The following AGBL1 variants were observed in gnomAD, a reference collection of about 807,000 sequenced individuals.
The protein encoded by AGBL1 is cytosolic carboxypeptidase 4.
In AGBL1, 130 loss-of-function variants were observed where a neutral mutation model predicts 118.9. That is an observed-to-expected ratio of 1.09 (90% CI 0.95 to 1.26). AGBL1 has a LOEUF of 1.26. AGBL1 is among the 50% of genes most tolerant of loss of function. The pLI is 0.00. For missense variants in AGBL1, 1,584 were observed against 1,298.1 expected (o/e 1.22, Z -3.38); for synonymous variants, 555 against 478.9 (o/e 1.16, Z -2.08).
chr15:86,332,493 A>G lies in AGBL1; in HGVS notation c.2374+37085A>G, dbSNP rs1049904245. Among the ~76,000 whole-genome samples, 5 of 152,158 alleles carry G rather than the reference A, an allele frequency of 3.3e-5. No homozygotes were observed. In the East Asian group the frequency reaches 9.7e-4, roughly 30 times the overall value. On this transcript the variant is annotated intron_variant, in intron 17 of 22. Coordinates refer to ENST00000614907, the MANE Select transcript of AGBL1 (RefSeq NM_001386094.1). ...AACCCTGTCTCTACTAAAAATACAAAAAATTAGCTGGGCGTGGCAACAGGC... is the reference window on the plus strand; with the variant it reads ...AACCCTGTCTCTACTAAAAATACAAGAAATTAGCTGGGCGTGGCAACAGGC...
chr15:86,428,359 A>G (rs2081892377), intron 18 of AGBL1, among the ~76,000 whole-genome samples: 1 of 152,210 alleles, frequency 6.6e-6, no homozygotes, highest in Non-Finnish European at 1.5e-5. Flanking sequence ...ACTATCCCAA[A>G]GTAGGGGAAA....
intron 21 of AGBL1, among the ~76,000 whole-genome samples, chr15:86,562,961 T>G (rs958603648): frequency 7.9e-5 from 12 of 152,332 alleles, no homozygotes; most frequent in Admixed American, 2.6e-4. Flanking sequence ...CTGATGGTAG[T>G]TTGTATTTCT....
rs529442286 is a variant in AGBL1 at position 86,363,151 on chromosome 15, C to T, written c.2375-34215C>T. On this transcript the variant is annotated intron_variant, in intron 17 of 22. Coordinates refer to ENST00000614907, the MANE Select transcript of AGBL1 (RefSeq NM_001386094.1). The stretch of plus-strand genomic sequence containing the variant: ...CAAAGGGGATCTCCTTGGTTATGAG[C>T]GTTGCCAGTGTTTTTCAATCTCGTA... Among the ~76,000 whole-genome samples, 182 of 152,056 alleles carry T rather than the reference C, an allele frequency of 1.2e-3. 1 individual carries two copies. The highest frequency in any genetic ancestry group is 1.3e-3 in the South Asian group (6 of 4,800).
intron 22 of AGBL1, among the ~76,000 whole-genome samples, chr15:86,724,469 A>G (rs1230771797): frequency 2.0e-5 from 3 of 152,144 alleles, no homozygotes; most frequent in Non-Finnish European, 4.4e-5. Flanking sequence ...AGGTGATAGC[A>G]TCATGGATGA....
intron 19 of AGBL1, among the ~76,000 whole-genome samples, chr15:86,530,121 A>G (rs1173634772): frequency 7.2e-6 from 1 of 139,274 alleles, no homozygotes; most frequent in Non-Finnish European, 1.5e-5. Context: ...TCAACTTTAA[A>G]TGTAAATGGA....
chr15:86,758,394 C>G (rs144154945), intron 22 of AGBL1, among the ~76,000 whole-genome samples: 84 of 152,136 alleles, frequency 5.5e-4, no homozygotes, highest in African/African-American at 1.9e-3. Context: ...GTAGTTTGGG[C>G]TATTATATGT....
intron 5 of AGBL1, among the ~76,000 whole-genome samples, chr15:86,179,047 C>T (rs117747172): frequency 1.3e-5 from 2 of 152,170 alleles, no homozygotes; most frequent in African/African-American, 4.8e-5. Context: ...TAATGGGCCA[C>T]CTGGTGGTCT....
intron 22 of AGBL1, among the ~76,000 whole-genome samples, chr15:86,803,343 C>G (rs1395232414): frequency 6.6e-6 from 1 of 152,096 alleles, no homozygotes; most frequent in Non-Finnish European, 1.5e-5. Flanking sequence ...TGAAGAAAGT[C>G]CTTGCTTCCC....
chr15:86,594,954 G>T (rs548508666), intron 21 of AGBL1, among the ~76,000 whole-genome samples: 2 of 152,160 alleles, frequency 1.3e-5, no homozygotes, highest in African/African-American at 4.8e-5. Context: ...TATGTCTTTC[G>T]TCCTTGTTTC....
At chr15:86,456,225 A>G (rs1299196770) in intron 18 of AGBL1, among the ~76,000 whole-genome samples, 3 of 152,228 alleles carry the variant, frequency 2.0e-5, no homozygotes, top group Admixed American at 6.5e-5. Flanking sequence ...TAAATTTTGC[A>G]TTAATAAGTC....
Position 86,262,907 on chromosome 15 carries a change from C to T in AGBL1, c.1086+13C>T, listed in dbSNP as rs781066217. ...CTATAGCTTTGAGGTAGGACATATG[C>T]TGTGGTTCTGATCTTTGACGATGCA... On this transcript the variant is annotated intron_variant, in intron 10 of 22. Transcript: ENST00000614907. 2 of 1,569,812 alleles carry T rather than the reference C, an allele frequency of 1.3e-6. No individual in the cohort carries two copies. The highest frequency in any genetic ancestry group is 1.4e-5 in the African/African-American group (1 of 74,020).
intron 19 of AGBL1, among the ~76,000 whole-genome samples, chr15:86,529,333 C>T (rs1351487183): frequency 4.4e-5 from 6 of 135,322 alleles, no homozygotes; most frequent in Admixed American, 4.1e-4. Context: ...GGAGCCGATG[C>T]GATCAACTGG....
chr15:86,791,568 C>G (rs2078493528), intron 22 of AGBL1, among the ~76,000 whole-genome samples: 2 of 151,980 alleles, frequency 1.3e-5, no homozygotes, highest in South Asian at 4.1e-4. Context: ...TGTTGCCTAC[C>G]TTCACATTGC....
chr15:86,218,065 C>T (rs1477130110), intron 5 of AGBL1, among the ~76,000 whole-genome samples: 1 of 152,152 alleles, frequency 6.6e-6, no homozygotes, highest in Non-Finnish European at 1.5e-5. Context: ...ATTATATTTT[C>T]TAATATACCT....
intron 1 of AGBL1, among the ~76,000 whole-genome samples, chr15:86,090,791 A>C (rs1010273736): frequency 6.6e-6 from 1 of 152,104 alleles, no homozygotes; most frequent in Admixed American, 6.6e-5. Flanking sequence ...CTTATACTTA[A>C]TGATGTTTGA....
intron 18 of AGBL1, among the ~76,000 whole-genome samples, chr15:86,436,089 CTTTTTT>C (rs35296563): frequency 9.0e-6 from 1 of 111,542 alleles, no homozygotes; most frequent in Non-Finnish European, 1.7e-5. Flanking sequence ...CCTTTCCTCT[CTTTTTT>C]TTTTTTTTTT....
In AGBL1 at chr15:86,909,479, T is replaced by G. The variant is rs934763046; in HGVS notation, c.*2185T>G. Reference sequence around the variant, plus strand: ...TCTGTGTTGTGATTTTGGGAGTTGATAACATTATTAATAGTCTCTTATTTT... The same window carrying G: ...TCTGTGTTGTGATTTTGGGAGTTGAGAACATTATTAATAGTCTCTTATTTT... On this transcript the variant is annotated 3_prime_UTR_variant, in exon 23 of 23. Coordinates refer to ENST00000614907, the MANE Select transcript of AGBL1 (RefSeq NM_001386094.1). The G allele has an allele frequency of 2.5e-4, 38 of 152,242 alleles. No individual in the cohort carries two copies. Among genetic ancestry groups the G allele is most frequent in the African/African-American group, 8.4e-4 (35 of 41,466 alleles). 9.4% of individuals were successfully genotyped at this position (152,242 alleles called of 1,614,324 possible). A position where few individuals can be genotyped will look rare whatever the true frequency, so the allele number is the denominator to read the frequency against.
intron 22 of AGBL1, among the ~76,000 whole-genome samples, chr15:86,799,414 G>T (rs1421872095): frequency 6.6e-6 from 1 of 152,050 alleles, no homozygotes; most frequent in African/African-American, 2.4e-5. Flanking sequence ...GGGCGAATAG[G>T]GTGGGTGTTA....
intron 18 of AGBL1, among the ~76,000 whole-genome samples, chr15:86,450,628 G>T (rs2082181777): frequency 6.6e-6 from 1 of 152,158 alleles, no homozygotes; most frequent in Admixed American, 6.5e-5. Context: ...TAAGAATAGG[G>T]TCAAAATATT....
Sources: gnomAD v4.1 joint callset for allele counts (sites outside exome capture counted in the v4.1 genomes callset) on GRCh38, gnomAD v4.1.1 for gene constraint, MANE v1.5 for transcripts, NCBI Gene and HGNC (gene_info 2026-07-23, HGNC 2026-07-21) for gene names.